Variants in ABCB11 observed in about 807,000 individuals in gnomAD.
ABCB11 encodes ATP binding cassette subfamily B member 11.
A neutral mutation model predicts 148.0 loss-of-function variants in ABCB11; 95 were observed. The ratio of observed to expected loss-of-function variants is 0.64; its 90% CI spans 0.54 to 0.76. The LOEUF (loss-of-function observed/expected upper bound fraction) is 0.76. Among genes scored for constraint, ABCB11 ranks in the 30% least tolerant of loss-of-function variants. The probability of loss-of-function intolerance (pLI) is 0.00; values close to 1 mark genes in which losing one functional copy is unlikely to be tolerated. For synonymous variants in ABCB11, 591 were observed against 555.4 expected, an observed-to-expected ratio of 1.06 and a Z score of -0.90; for missense variants, 1,523 against 1,617.8, an observed-to-expected ratio of 0.94 and a Z score of 1.01.
At chr2:168,964,160 A>C in intron 18 of ABCB11, 46 bp downstream of exon 18, 3 of 1,412,624 alleles carry the variant, frequency 2.1e-6, no homozygotes. Context: ...AACAGTCCCC[A>C]GGAGAGACTT....
intron 14 of ABCB11, chr2:168,970,442 C>T (rs750526685): frequency 3.3e-5 from 41 of 1,225,334 alleles, no homozygotes; most frequent in Non-Finnish European, 4.4e-5. Flanking sequence ...GTTTACTGGG[C>T]TGTGTAAATA....
intron 21 of ABCB11, among the ~76,000 whole-genome samples, chr2:168,943,930 T>A (rs1035462117): frequency 6.6e-5 from 10 of 151,962 alleles, no homozygotes; most frequent in East Asian, 1.9e-4. Context: ...TAGGGTTTTT[T>A]AAAAAATTTT....
intron 3 of ABCB11, among the ~76,000 whole-genome samples, chr2:169,015,740 T>A (rs1246792636): frequency 1.3e-5 from 2 of 152,160 alleles, no homozygotes; most frequent in African/African-American, 4.8e-5. Flanking sequence ...AGTGATAGAT[T>A]ATCACTAGCT....
intron 11 of ABCB11, among the ~76,000 whole-genome samples, chr2:168,979,320 G>C (rs1313066649): frequency 6.6e-6 from 1 of 151,852 alleles, no homozygotes; most frequent in Non-Finnish European, 1.5e-5. Flanking sequence ...TCATTTGTAT[G>C]GCTGACTTTT....
At chr2:169,013,917 A>T (rs1214223038) in intron 4 of ABCB11, among the ~76,000 whole-genome samples, 1 of 152,206 alleles carries the variant, frequency 6.6e-6, no homozygotes, top group Non-Finnish European at 1.5e-5. Context: ...GACTATGAAG[A>T]ATGCCAATTT....
chr2:168,975,943 T>C (rs1693884757), intron 12 of ABCB11, among the ~76,000 whole-genome samples: 1 of 151,884 alleles, frequency 6.6e-6, no homozygotes, highest in Admixed American at 6.6e-5. Flanking sequence ...GGAATAAGTC[T>C]AATTTCAAAG....
chr2:168,955,583 A>G (rs1277618279), intron 19 of ABCB11, among the ~76,000 whole-genome samples: 1 of 151,622 alleles, frequency 6.6e-6, no homozygotes, highest in Non-Finnish European at 1.5e-5. Context: ...TGTGGGGATT[A>G]CAGTTTGACA....
At chr2:168,944,514 C>G in intron 21 of ABCB11, 91 bp downstream of exon 21, 1 of 1,384,006 alleles carries the variant, frequency 7.2e-7, no homozygotes, top group Non-Finnish European at 9.8e-7. Context: ...GGTCCCTATT[C>G]CATAGAAAAC....
At chr2:168,993,090 G>A (rs1694592834) in intron 8 of ABCB11, among the ~76,000 whole-genome samples, 1 of 151,930 alleles carries the variant, frequency 6.6e-6, no homozygotes, top group Non-Finnish European at 1.5e-5. Context: ...GACAGTGACT[G>A]GGATAACTCT....
chr2:168,917,724 G>A (rs1454429010), downstream of ABCB11, among the ~76,000 whole-genome samples: 1 of 152,162 alleles, frequency 6.6e-6, no homozygotes, highest in Non-Finnish European at 1.5e-5. Flanking sequence ...TTCCAATGGA[G>A]AAGCTGGGCT....
chr2:168,954,767 G>A (rs903176292), intron 19 of ABCB11, among the ~76,000 whole-genome samples: 1 of 151,650 alleles, frequency 6.6e-6, no homozygotes, highest in Non-Finnish European at 1.5e-5. Flanking sequence ...TTGTCTAACA[G>A]TCTTGACAGA....
chr2:168,995,448 A>G lies in ABCB11; in HGVS notation c.512T>C (p.Ile171Thr), dbSNP rs1192934631. Residue 171 changes from isoleucine to threonine, a missense_variant, in exon 7 of 28, where the codon ATA (isoleucine) becomes ACA (threonine). Transcript: ENST00000650372. ...AAAGTAAAATTTTCTCATTTTCTGTATCTGACGAGCTGCGGCAATGACCCA... is the reference window on the plus strand; with the variant it reads ...AAAGTAAAATTTTCTCATTTTCTGTGTCTGACGAGCTGCGGCAATGACCCA... ...CFWVIAAARQ[I>T]QKMRKFYFRR... The G allele has an allele frequency of 6.8e-6, 11 of 1,612,130 alleles. No homozygotes were observed. The highest frequency in any genetic ancestry group is 1.1e-5 in the South Asian group (1 of 90,960).
intron 1 of ABCB11, among the ~76,000 whole-genome samples, chr2:169,021,411 CAAT>C (rs1223731498): frequency 2.0e-5 from 3 of 152,128 alleles, no homozygotes; most frequent in African/African-American, 7.2e-5. Context: ...ATGTTCAAAA[CAAT>C]AATGGATATA....
intron 4 of ABCB11, 130 bp from the exon 5 acceptor site, chr2:169,013,640 G>A: frequency 1.5e-6 from 1 of 658,328 alleles, no homozygotes; most frequent in South Asian, 2.1e-5. Flanking sequence ...CACCTTAATT[G>A]AGTGGCAGAG....
chr2:169,008,075 A>C (rs543784181), intron 5 of ABCB11, among the ~76,000 whole-genome samples: 1 of 152,218 alleles, frequency 6.6e-6, no homozygotes, highest in Non-Finnish European at 1.5e-5. Flanking sequence ...GAAGCCAAAC[A>C]TCACTGGTCC....
intron 6 of ABCB11, 33 bp downstream of exon 6, chr2:168,996,602 T>C (rs771542173): frequency 6.9e-6 from 9 of 1,300,702 alleles, no homozygotes; most frequent in Non-Finnish European, 9.4e-6. Context: ...AGGTCAGATA[T>C]TGATCTATAA....
intron 21 of ABCB11, among the ~76,000 whole-genome samples, chr2:168,942,012 A>G (rs1692083746): frequency 6.6e-6 from 1 of 151,970 alleles, no homozygotes; most frequent in African/African-American, 2.4e-5. Context: ...TTTCAGAACT[A>G]TATCTGGTAT....
At chr2:168,950,493 G>C (rs1225681453) in intron 19 of ABCB11, among the ~76,000 whole-genome samples, 1 of 151,516 alleles carries the variant, frequency 6.6e-6, no homozygotes, top group Non-Finnish European at 1.5e-5. Flanking sequence ...GTTGTAAAAT[G>C]GTATCTCTTT....
chr2:169,003,434 C>G (rs1258362351), intron 5 of ABCB11, among the ~76,000 whole-genome samples: 2 of 148,894 alleles, frequency 1.3e-5, no homozygotes, highest in Admixed American at 1.3e-4. Context: ...ACATATATAT[C>G]ATATCTGTAT....
Sources: allele counts gnomAD v4.1 joint callset (sites outside exome capture counted in the v4.1 genomes callset), GRCh38; gene constraint gnomAD v4.1.1; transcripts MANE v1.5; gene names NCBI Gene and HGNC (gene_info 2026-07-23, HGNC 2026-07-21).